GBE1: variants seen among roughly 807,000 people sequenced by gnomAD.
GBE1 encodes 1,4-alpha-glucan branching enzyme 1.
Under a neutral mutation model 88.8 loss-of-function variants are expected in GBE1, and 70 were observed. The observed-to-expected ratio is 0.79, with a 90% CI of 0.65 to 0.96. The LOEUF is 0.96. Ranked by LOEUF, GBE1 falls within the 40% of genes least tolerant of loss-of-function variation. The pLI is 0.00. For missense variants in GBE1, 872 were observed against 871.0 expected, an observed-to-expected ratio of 1.00 and a Z score of -0.01; for synonymous variants, 284 against 300.1, an observed-to-expected ratio of 0.95 and a Z score of 0.56.
rs532964704 is a variant in GBE1 at position 81,737,846 on chromosome 3, C to T, written c.143+23529G>A. 2.6e-5 allele frequency among the ~76,000 whole-genome samples: 4 copies of T among 152,210 alleles called. No homozygotes were observed. In the South Asian group the frequency reaches 8.3e-4, roughly 32 times the overall value. ...ATACATGTGACATGCTGGTGCGCTGCACCCACTAACTCGTCATCTAGCATT... is the reference window on the plus strand; with the variant it reads ...ATACATGTGACATGCTGGTGCGCTGTACCCACTAACTCGTCATCTAGCATT... On this transcript the variant is annotated intron_variant, in intron 1 of 15. Coordinates refer to ENST00000429644, the MANE Select transcript of GBE1 (RefSeq NM_000158.4).
Position 81,657,209 on chromosome 3 carries a change from C to T in GBE1, c.430-7288G>A, listed in dbSNP as rs73853456. ...GTTTTTATACCTAGCCTTCTTCCCACGTAAGTATTTTCAAAGATTAGACAA... is the reference window on the plus strand; with the variant it reads ...GTTTTTATACCTAGCCTTCTTCCCATGTAAGTATTTTCAAAGATTAGACAA... On this transcript the variant is annotated intron_variant, in intron 3 of 15. Transcript: ENST00000429644. Among the ~76,000 whole-genome samples, 822 of 150,864 alleles carry T rather than the reference C, an allele frequency of 5.4e-3. 1 individual carries two copies. The highest frequency in any genetic ancestry group is 0.019 in the African/African-American group (784 of 41,082).
intron 15 of GBE1, among the ~76,000 whole-genome samples, chr3:81,492,743 TTTC>T (rs770547398): frequency 4.7e-5 from 7 of 148,840 alleles, no homozygotes; most frequent in East Asian, 2.1e-4. Flanking sequence ...CTTTTCTTTC[TTTC>T]TTTTTTTTTT....
chr3:81,548,186 G>C (rs551794361), intron 12 of GBE1, among the ~76,000 whole-genome samples: 1 of 151,494 alleles, frequency 6.6e-6, no homozygotes, highest in Admixed American at 6.6e-5. Flanking sequence ...CTCAAAACAG[G>C]TTTTTCTTAG....
intron 1 of GBE1, among the ~76,000 whole-genome samples, chr3:81,706,633 C>T (rs1367789438): frequency 6.6e-6 from 1 of 152,050 alleles, no homozygotes; most frequent in South Asian, 2.1e-4. Context: ...ACGGGATGTC[C>T]AGGGAATATA....
At position 81,586,175 on chromosome 3, in the gene GBE1, G is replaced by T; in HGVS notation, c.1252C>A (p.Pro418Thr). Residue 418 changes from proline to threonine, a missense_variant, in exon 10 of 16, where the codon CCA becomes ACA. By Grantham distance (38) the Pro-to-Thr change is conservative (BLOSUM62 -1). Coordinates refer to ENST00000429644, the MANE Select transcript of GBE1 (RefSeq NM_000158.4). ...ITIAEDVSGMPALCSPISQGG... is the reference protein window; with the variant it reads ...ITIAEDVSGMTALCSPISQGG... ...TGGGAAATTGGAGAGCACAGAGCTGGCATTCCTGATACATCCTACAACAAA... is the reference window on the plus strand; with the variant it reads ...TGGGAAATTGGAGAGCACAGAGCTGTCATTCCTGATACATCCTACAACAAA... 1.9e-6 allele frequency: 3 copies of T among 1,604,458 alleles called. No homozygotes were observed. The highest frequency in any genetic ancestry group is 2.6e-6 in the Non-Finnish European group (3 of 1,175,886).
intron 1 of GBE1, among the ~76,000 whole-genome samples, chr3:81,737,350 AATAT>A (rs1394935884): frequency 3.5e-5 from 3 of 85,238 alleles, no homozygotes; most frequent in African/African-American, 1.9e-4. Flanking sequence ...TATTTATATA[AATAT>A]ATATTTATAT....
At chr3:81,703,145 T>A (rs927741011) in intron 2 of GBE1, among the ~76,000 whole-genome samples, 1 of 152,008 alleles carries the variant, frequency 6.6e-6, no homozygotes, top group Non-Finnish European at 1.5e-5. Context: ...TGAAATAGAA[T>A]GCCTTGATTA....
intron 12 of GBE1, among the ~76,000 whole-genome samples, chr3:81,544,485 A>G (rs1408741623): frequency 6.6e-6 from 1 of 152,190 alleles, no homozygotes; most frequent in African/African-American, 2.4e-5. Flanking sequence ...CCTTTCTAAG[A>G]GAATTCAGAA....
At chr3:81,600,779 T>C (rs935258975) in intron 7 of GBE1, among the ~76,000 whole-genome samples, 1 of 152,086 alleles carries the variant, frequency 6.6e-6, no homozygotes, top group Non-Finnish European at 1.5e-5. Flanking sequence ...AACAATGTAC[T>C]TGGAGACCAA....
At chr3:81,576,292 A>G (rs2106931255) in intron 12 of GBE1, among the ~76,000 whole-genome samples, 1 of 152,124 alleles carries the variant, frequency 6.6e-6, no homozygotes, top group African/African-American at 2.4e-5. Flanking sequence ...TTTATCCTAA[A>G]TTTAGGATAT....
chr3:81,610,387 T>C (rs1307350752), intron 7 of GBE1, among the ~76,000 whole-genome samples: 1 of 152,230 alleles, frequency 6.6e-6, no homozygotes, highest in African/African-American at 2.4e-5. Context: ...TAGTTGAAGA[T>C]AAATATGTTC....
chr3:81,616,354 T>A (rs1411503100), intron 7 of GBE1, among the ~76,000 whole-genome samples: 1 of 152,182 alleles, frequency 6.6e-6, no homozygotes, highest in East Asian at 1.9e-4. Flanking sequence ...TACGTGTTAA[T>A]CTATAATCTA....
intron 7 of GBE1, among the ~76,000 whole-genome samples, chr3:81,622,230 G>A (rs772613117): frequency 6.6e-6 from 1 of 152,070 alleles, no homozygotes; most frequent in Non-Finnish European, 1.5e-5. Context: ...ACCATTTTTA[G>A]TCCAAATAAA....
intron 15 of GBE1, among the ~76,000 whole-genome samples, chr3:81,492,702 T>G (rs1415239791): frequency 7.4e-5 from 10 of 134,718 alleles, no homozygotes; most frequent in Non-Finnish European, 1.6e-4. Flanking sequence ...CTTTCTCCCT[T>G]TCTTCCTTTC....
At chr3:81,549,711 T>C (rs1703248773) in intron 12 of GBE1, among the ~76,000 whole-genome samples, 1 of 151,578 alleles carries the variant, frequency 6.6e-6, no homozygotes, top group African/African-American at 2.4e-5. Context: ...TGAGATTCCT[T>C]ATGCAACAGA....
In GBE1 at chr3:81,581,189, A is replaced by C; in HGVS notation, c.1422T>G (p.Ile474Met). 3.7e-6 allele frequency: 6 copies of C among 1,605,568 alleles called. No homozygotes were observed. Among genetic ancestry groups the C allele is most frequent in the Non-Finnish European group, 5.1e-6 (6 of 1,175,266 alleles). Reference protein sequence around the residue: ...LTNRRYLEKCIAYAESHDQAL... With the variant: ...LTNRRYLEKCMAYAESHDQAL... ...CCTGATCATGGCTCTCTGCATAAGC[A>C]ATGCACTTTTCAAGGTAGCGCCTGT... is the stretch of plus-strand genomic sequence containing the variant. Residue 474 changes from isoleucine to methionine, a missense_variant, in exon 11 of 16, where the codon ATT becomes ATG. By Grantham distance (10) the Ile-to-Met change is conservative. Coordinates refer to ENST00000429644, the MANE Select transcript of GBE1 (RefSeq NM_000158.4).
intron 1 of GBE1, among the ~76,000 whole-genome samples, chr3:81,730,882 TTC>T (rs1409884067): frequency 2.0e-5 from 3 of 152,268 alleles, no homozygotes; most frequent in Non-Finnish European, 2.9e-5. Flanking sequence ...GCCAGTTATT[TTC>T]TCTGTTTTGC....
intron 14 of GBE1, among the ~76,000 whole-genome samples, chr3:81,514,351 A>G (rs9853643): frequency 0.3 from 45,565 of 151,496 alleles, 7,120 homozygotes; most frequent in East Asian, 0.42. Flanking sequence ...CATTTCATTC[A>G]GTTATATGTT....
intron 7 of GBE1, among the ~76,000 whole-genome samples, chr3:81,638,060 A>G (rs1036202763): frequency 6.6e-5 from 10 of 152,026 alleles, no homozygotes; most frequent in African/African-American, 9.7e-5. Flanking sequence ...CCACATACTA[A>G]CTTGTAGAAA....
Sources: allele counts gnomAD v4.1 joint callset (sites outside exome capture counted in the v4.1 genomes callset), GRCh38; gene constraint gnomAD v4.1.1; transcripts MANE v1.5; gene names NCBI Gene and HGNC (gene_info 2026-07-23, HGNC 2026-07-21).